Variants in MX2 observed in about 807,000 individuals in gnomAD.
The protein encoded by MX2 is interferon-induced GTP-binding protein Mx2.
Under a neutral mutation model 74.0 loss-of-function variants are expected in MX2, and 51 were observed. The observed-to-expected ratio is 0.69, with a 90% CI of 0.55 to 0.87. The LOEUF (loss-of-function observed/expected upper bound fraction) is 0.87, where lower values mean the gene tolerates loss of function less well. Ranked by LOEUF, MX2 falls within the 40% of genes least tolerant of loss-of-function variation. The pLI is 0.00. For missense variants in MX2, 832 were observed against 908.7 expected (o/e 0.92, Z 1.09); for synonymous variants, 369 against 339.3 (o/e 1.09, Z -0.96).
chr21:41,395,817 A>C, intron 7 of MX2, 32 bp downstream of exon 7: 1 of 1,608,930 alleles, frequency 6.2e-7, no homozygotes, highest in Non-Finnish European at 8.5e-7. Flanking sequence ...CTGGAATTAG[A>C]CTCCATGAAA....
rs61730265 is a variant in MX2, at chr21:41,403,292, C to T, written c.1599C>T (p.Asn533=). The T allele has an allele frequency of 1.4e-5, 23 of 1,612,902 alleles. No individual in the cohort carries two copies. The highest frequency in any genetic ancestry group is 7.7e-5 in the South Asian group (7 of 91,062). Residue 533 remains asparagine, a synonymous_variant, in exon 12 of 14, where the codon AAC becomes AAT. Coordinates refer to ENST00000330714, the MANE Select transcript of MX2 (RefSeq NM_002463.2). The stretch of plus-strand genomic sequence containing the variant: ...AAATTATCCAGCAAGCTTTCATTAA[C>T]GTGGCCAAAAAACATTTTGGCGAAT... ...AMEIIQQAFI[N]VAKKHFGEFF...
At position 41,406,999 on chromosome 21, in the gene MX2, G is replaced by C. The variant is rs763216787; in HGVS notation, c.1905+1G>C. ...CATCCACCTGAATGCCTACTTCTTG[G>C]TGAGTTCCCGGCGGGGCAGGAGCCG... On this transcript the variant is annotated splice_donor_variant, in intron 13 of 13. Coordinates refer to ENST00000330714, the MANE Select transcript of MX2 (RefSeq NM_002463.2). LOFTEE classifies it high-confidence loss of function. The C allele has an allele frequency of 4.3e-6, 7 of 1,610,374 alleles. No homozygotes were observed. Among genetic ancestry groups the C allele is most frequent in the Non-Finnish European group, 5.1e-6 (6 of 1,176,826 alleles).
chr21:41,406,696 A>G (rs369711198), intron 12 of MX2, 48 bp from the exon 13 acceptor site: 25 of 1,574,608 alleles, frequency 1.6e-5, no homozygotes, highest in Non-Finnish European at 9.5e-6. Context: ...TTAAGCCAAC[A>G]GGAAAGAAGA....
chr21:41,391,263 T>TA (rs71696788), intron 6 of MX2, among the ~76,000 whole-genome samples: 13,550 of 151,740 alleles, frequency 0.089, 779 homozygotes, highest in South Asian at 0.19. Flanking sequence ...AAAAGTTTTC[T>TA]AAAAAAAAGG....
At chr21:41,376,691 A>C (rs1371302931) in intron 1 of MX2, 145 bp from the exon 2 acceptor site, 1 of 602,724 alleles carries the variant, frequency 1.7e-6, no homozygotes, top group African/African-American at 1.9e-5. Flanking sequence ...TCCTGCAGAC[A>C]GGGGCCCTGC....
At chr21:41,367,483 C>G (rs554389637) in intron 1 of MX2, among the ~76,000 whole-genome samples, 53 of 152,158 alleles carry the variant, frequency 3.5e-4, no homozygotes, top group African/African-American at 1.3e-3. Flanking sequence ...ATGCAGAACC[C>G]GGCAATGGCT....
Position 41,386,952 on chromosome 21 carries a change from C to CA in MX2, c.733-3608dup, listed in dbSNP as rs1335327975. ...TCCACTTACTACTAAAGACAGAAAC[C>CA]AAAAACCATGGCTTCAGGCTGCTAA... On this transcript the variant is annotated intron_variant, in intron 5 of 13. Transcript: ENST00000330714. Among the ~76,000 whole-genome samples the CA allele has an allele frequency of 2.6e-5, 4 of 152,224 alleles. No individual in the cohort carries two copies. In the East Asian group the frequency reaches 7.7e-4, roughly 29 times the overall value.
chr21:41,391,853 T>G (rs1449389240), intron 6 of MX2, among the ~76,000 whole-genome samples: 1 of 151,964 alleles, frequency 6.6e-6, no homozygotes, highest in African/African-American at 2.4e-5. Context: ...GGTTCAGGGG[T>G]ACATGTGCAG....
rs1053060803 is a variant in MX2, at chr21:41,388,448, C to T, written c.733-2117C>T. ...CGCAGAGGGCATCCTTCATTCCTCG[C>T]GGGTTTCTGCTGCAAGGCTGCCCTA... On this transcript the variant is annotated intron_variant, in intron 5 of 13. Coordinates refer to ENST00000330714, the MANE Select transcript of MX2 (RefSeq NM_002463.2). This position sits in a 1 kb window ranked among gnomAD's most constrained non-coding sequence, Gnocchi z 4.0. Among the ~76,000 whole-genome samples, 11 of 152,184 alleles carry T rather than the reference C, an allele frequency of 7.2e-5. No individual in the cohort carries two copies. Among genetic ancestry groups the T allele is most frequent in the African/African-American group, 2.2e-4 (9 of 41,430 alleles).
At chr21:41,403,239 T>C in intron 11 of MX2, 28 bp from the exon 12 acceptor site, 1 of 1,510,400 alleles carries the variant, frequency 6.6e-7, no homozygotes, top group Non-Finnish European at 9.0e-7. Flanking sequence ...GTTTTCTTCT[T>C]CTTCTCCTTT....
chr21:41,393,132 G>GA (rs2089685578), intron 6 of MX2, among the ~76,000 whole-genome samples: 1 of 100,876 alleles, frequency 9.9e-6, no homozygotes, highest in Non-Finnish European at 2.0e-5. Flanking sequence ...AAAAAAAAAA[G>GA]AAAGAAAGAA....
rs921000993 is a variant in MX2 at position 41,366,276 on chromosome 21, T to G, written c.-72+4221T>G. On this transcript the variant is annotated intron_variant, in intron 1 of 13. Transcript: ENST00000330714. The surrounding 1 kb of genome is among the most constrained non-coding windows in gnomAD (Gnocchi z 4.5). ...GGGGAACATAGTCTTATAGATTTGA[T>G]GAATTCCCTTTTTGCACCTGTATAT... The G allele has an allele frequency of 2.6e-5, 4 of 152,246 alleles. No individual in the cohort carries two copies. Among genetic ancestry groups the G allele is most frequent in the African/African-American group, 7.2e-5 (3 of 41,458 alleles). The allele number at this position is 152,246 out of a possible 1,614,324, so 9.4% of individuals were successfully genotyped here. A position where few individuals can be genotyped will look rare whatever the true frequency, so the allele number is the denominator to read the frequency against.
chr21:41,382,721 C>T (rs1030625780), intron 5 of MX2, among the ~76,000 whole-genome samples, 157 bp downstream of exon 5: 5 of 152,196 alleles, frequency 3.3e-5, no homozygotes, highest in African/African-American at 1.2e-4. Flanking sequence ...TGCCCAGGTT[C>T]TGACTTGGGC....
At chr21:41,406,613 C>G (rs2089889640) in intron 12 of MX2, 131 bp from the exon 13 acceptor site, 2 of 974,424 alleles carry the variant, frequency 2.1e-6, no homozygotes, top group African/African-American at 1.7e-5. Flanking sequence ...ATCATCATTT[C>G]AAGTCTCAGG....
At chr21:41,396,371 G>A (rs922311586) in intron 7 of MX2, among the ~76,000 whole-genome samples, 41 of 152,208 alleles carry the variant, frequency 2.7e-4, no homozygotes, top group African/African-American at 6.5e-4. Context: ...TTTGTAGGAC[G>A]CTGGGATTGT....
At chr21:41,381,684 CAAAAAAAAAA>C (rs57350601) in intron 4 of MX2, among the ~76,000 whole-genome samples, 2 of 58,444 alleles carry the variant, frequency 3.4e-5, no homozygotes, top group African/African-American at 5.7e-5. Context: ...GACTCTGTCT[CAAAAAAAAAA>C]AAAAAAAAAA....
chr21:41,395,513 A>G (rs889818975), intron 6 of MX2, 74 bp from the exon 7 acceptor site: 2 of 1,440,722 alleles, frequency 1.4e-6, no homozygotes, highest in East Asian at 2.3e-5. Flanking sequence ...AAAGGAGCCC[A>G]TAGTCCAGTA....
rs2145942523 is a variant in MX2 at position 41,395,687 on chromosome 21, T to C, written c.972T>C (p.Ile324=). Residue 324 remains isoleucine, a synonymous_variant, in exon 7 of 14, where the codon ATT becomes ATC. Coordinates refer to ENST00000330714, the MANE Select transcript of MX2 (RefSeq NM_002463.2). ...LTYPLKKGYM[I]VKCRGQQEIT... is the part of the protein sequence containing the mutation. Reference sequence around the variant, plus strand: ...ACCCCCTCAAGAAGGGCTACATGATTGTGAAGTGCCGGGGCCAGCAGGAGA... The same window carrying C: ...ACCCCCTCAAGAAGGGCTACATGATCGTGAAGTGCCGGGGCCAGCAGGAGA... The C allele has an allele frequency of 6.2e-7, 1 of 1,614,136 alleles. No individual in the cohort carries two copies.
In MX2 at chr21:41,408,513, C is replaced by G. The variant is rs542194294; in HGVS notation, c.*280C>G. The G allele has an allele frequency of 2.6e-6, 1 of 387,498 alleles. No individual in the cohort carries two copies. Among genetic ancestry groups the G allele is most frequent in the Non-Finnish European group, 4.6e-6 (1 of 216,684 alleles). The allele number at this position is 387,498 out of a possible 1,614,324, so 24.0% of individuals were successfully genotyped here. On this transcript the variant is annotated 3_prime_UTR_variant, in exon 14 of 14. Transcript: ENST00000330714. ...GTCCTAAGATACTGCTATCATTCTT[C>G]GCTAATTTGTATTTGTATTCCCTTC...
Sources: gnomAD v4.1 joint callset for allele counts (sites outside exome capture counted in the v4.1 genomes callset) on GRCh38, gnomAD v4.1.1 for gene constraint, Gnocchi (gnomAD v3.1) non-coding constraint, MANE v1.5 for transcripts, NCBI Gene and HGNC (gene_info 2026-07-23, HGNC 2026-07-21) for gene names.